The following FBXW7 variants were observed in gnomAD, a reference collection of about 807,000 sequenced individuals.
FBXW7 encodes the protein F-box/WD repeat-containing protein 7.
A neutral mutation model predicts 86.3 loss-of-function variants in FBXW7; 11 were observed. That is an observed-to-expected ratio of 0.13 (90% CI 0.08 to 0.21). The LOEUF is 0.21. Ranked by LOEUF, FBXW7 falls within the 10% of genes least tolerant of loss-of-function variation. The pLI is 1.00. For missense variants in FBXW7, 488 were observed against 847.4 expected, an observed-to-expected ratio of 0.58 and a Z score of 5.27; for synonymous variants, 313 against 297.9, an observed-to-expected ratio of 1.05 and a Z score of -0.52.
At chr4:152,406,295 A>C (rs920028830) in intron 4 of FBXW7, among the ~76,000 whole-genome samples, 1 of 152,184 alleles carries the variant, frequency 6.6e-6, no homozygotes, top group Non-Finnish European at 1.5e-5. Flanking sequence ...ATGAAACCTC[A>C]TAATTAAAAT....
chr4:152,387,520 T>G (rs1735626659), intron 4 of FBXW7, among the ~76,000 whole-genome samples: 1 of 151,124 alleles, frequency 6.6e-6, no homozygotes, highest in Non-Finnish European at 1.5e-5. Context: ...GACGGAACAA[T>G]TTAAACACAG....
intron 4 of FBXW7, among the ~76,000 whole-genome samples, chr4:152,406,839 G>A (rs889474848): frequency 6.6e-6 from 1 of 152,096 alleles, no homozygotes; most frequent in Non-Finnish European, 1.5e-5. Context: ...TTTTACACTA[G>A]AGGGTGATAT....
chr4:152,496,728 A>G (rs1746385033), intron 2 of FBXW7, among the ~76,000 whole-genome samples: 1 of 152,200 alleles, frequency 6.6e-6, no homozygotes, highest in African/African-American at 2.4e-5. Context: ...CAGTCAACCA[A>G]TGTAAAGGTG....
chr4:152,457,153 A>G, intron 2 of FBXW7, among the ~76,000 whole-genome samples: 1 of 152,204 alleles, frequency 6.6e-6, no homozygotes, highest in Non-Finnish European at 1.5e-5. Context: ...ATATGATTCT[A>G]CCTACATAAC....
intron 2 of FBXW7, among the ~76,000 whole-genome samples, chr4:152,471,807 G>C (rs568380630): frequency 6.6e-6 from 1 of 152,246 alleles, no homozygotes; most frequent in East Asian, 1.9e-4. Context: ...GGCTGAAGCA[G>C]GAGGACTGCT....
intron 2 of FBXW7, among the ~76,000 whole-genome samples, chr4:152,415,333 G>A (rs551899764): frequency 1.3e-5 from 2 of 152,238 alleles, no homozygotes; most frequent in Admixed American, 1.3e-4. Context: ...GAATTTACAT[G>A]GGCAGGTATA....
chr4:152,379,425 T>C (rs1275231881), intron 4 of FBXW7, among the ~76,000 whole-genome samples: 1 of 152,206 alleles, frequency 6.6e-6, no homozygotes, highest in African/African-American at 2.4e-5. Context: ...TTAGTAAGTA[T>C]TCCAGCTGAT....
intron 2 of FBXW7, among the ~76,000 whole-genome samples, chr4:152,461,915 GTTTCC>G (rs1742986714): frequency 6.6e-6 from 1 of 152,008 alleles, no homozygotes; most frequent in South Asian, 2.1e-4. Context: ...GAATACTGTC[GTTTCC>G]TTTAACACTG....
chr4:152,453,484 A>T (rs1742101579), intron 2 of FBXW7, among the ~76,000 whole-genome samples: 1 of 152,190 alleles, frequency 6.6e-6, no homozygotes, highest in Admixed American at 6.5e-5. Flanking sequence ...GCAGGTATGG[A>T]TAAGGAAGAT....
intron 2 of FBXW7, among the ~76,000 whole-genome samples, chr4:152,478,919 T>C (rs930128005): frequency 3.3e-5 from 5 of 152,146 alleles, no homozygotes; most frequent in African/African-American, 9.6e-5. Flanking sequence ...CTGTTGGGCA[T>C]AGTACTTTTC....
intron 4 of FBXW7, among the ~76,000 whole-genome samples, chr4:152,401,406 A>G (rs188679865): frequency 8.0e-4 from 122 of 152,356 alleles, no homozygotes; most frequent in African/African-American, 2.7e-3. Flanking sequence ...GGAAAAGTCA[A>G]TGCATATTAC....
intron 6 of FBXW7, 66 bp downstream of exon 6, chr4:152,346,864 A>G (rs1560785935): frequency 1.3e-6 from 2 of 1,585,104 alleles, no homozygotes; most frequent in East Asian, 4.5e-5. Context: ...TTTTTTACGG[A>G]TGAATAATCC....
At chr4:152,354,492 T>G (rs1002980706) in intron 4 of FBXW7, among the ~76,000 whole-genome samples, 2 of 152,120 alleles carry the variant, frequency 1.3e-5, no homozygotes, top group African/African-American at 4.8e-5. Flanking sequence ...AATTTGTCAG[T>G]GGTAACAAGT....
Position 152,321,632 on chromosome 4 carries a change from TA to T in FBXW7, c.*1248del, listed in dbSNP as rs1728567813. ...CTGCTTTGTCAGTTACTCAGAGCAA[TA>T]AAACTGTAACAGTTGTTTTCCCAAA... On this transcript the variant is annotated 3_prime_UTR_variant, in exon 14 of 14. Transcript: ENST00000281708. 8.6e-6 allele frequency: 2 copies of T among 233,058 alleles called. No individual in the cohort carries two copies. Among genetic ancestry groups the T allele is most frequent in the Admixed American group, 5.6e-5 (1 of 17,756 alleles). 14.4% of individuals were successfully genotyped at this position (233,058 alleles called of 1,614,324 possible).
Position 152,322,785 on chromosome 4 carries a change from G to A in FBXW7, c.*96C>T. 1 of 1,543,624 alleles carries A rather than the reference G, an allele frequency of 6.5e-7. No homozygotes were observed. The highest frequency in any genetic ancestry group is 1.8e-4 in the Middle Eastern group (1 of 5,476). On this transcript the variant is annotated 3_prime_UTR_variant, in exon 14 of 14. Transcript: ENST00000281708. The stretch of plus-strand genomic sequence containing the variant: ...ACATCCTGCACCACTGAGAACAAGG[G>A]ATTTTTTTCTTTTTCTTTTCTTTTT...
Position 152,535,615 on chromosome 4 carries a change from C to A in FBXW7, c.-701G>T. The A allele has an allele frequency of 5.0e-6, 2 of 397,000 alleles. No homozygotes were observed. The highest frequency in any genetic ancestry group is 1.3e-4 in the South Asian group (1 of 7,852). The allele number at this position is 397,000 out of a possible 1,614,324, so 24.6% of individuals were successfully genotyped here. A position where few individuals can be genotyped will look rare whatever the true frequency, so the allele number is the denominator to read the frequency against. ...GGCGAGGGACCCGGCCGGCTCCGCTCGGCGCCGCCCCCGCTCCCGGCTCCC... is the reference window on the plus strand; with the variant it reads ...GGCGAGGGACCCGGCCGGCTCCGCTAGGCGCCGCCCCCGCTCCCGGCTCCC... On this transcript the variant is annotated 5_prime_UTR_variant, in exon 1 of 14. Coordinates refer to ENST00000281708, the MANE Select transcript of FBXW7 (RefSeq NM_001349798.2).
chr4:152,381,786 G>A (rs185176727), intron 4 of FBXW7, among the ~76,000 whole-genome samples: 19 of 152,170 alleles, frequency 1.2e-4, no homozygotes, highest in African/African-American at 4.3e-4. Context: ...AGAAGCCTAA[G>A]GATTTGGAAC....
intron 2 of FBXW7, among the ~76,000 whole-genome samples, chr4:152,469,331 G>A (rs1743737959): frequency 6.6e-6 from 1 of 151,954 alleles, no homozygotes. Context: ...ATACTATGTA[G>A]TTGAAGTAAA....
chr4:152,477,070 G>GA (rs1744475911), intron 2 of FBXW7, among the ~76,000 whole-genome samples: 2 of 150,776 alleles, frequency 1.3e-5, no homozygotes, highest in African/African-American at 4.9e-5. Context: ...AAAAAAAAAG[G>GA]AAGCTAATAC....
Sources: gnomAD v4.1 joint callset for allele counts (sites outside exome capture counted in the v4.1 genomes callset) on GRCh38, gnomAD v4.1.1 for gene constraint, MANE v1.5 for transcripts, NCBI Gene and HGNC (gene_info 2026-07-23, HGNC 2026-07-21) for gene names.